KCNQ3: variants seen among roughly 807,000 people sequenced by gnomAD.
KCNQ3 encodes potassium voltage-gated channel subfamily KQT member 3.
A neutral mutation model predicts 92.5 loss-of-function variants in KCNQ3; 30 were observed. The observed-to-expected ratio is 0.32, with a 90% CI of 0.24 to 0.44. The LOEUF is 0.44. Ranked by LOEUF, KCNQ3 falls within the 20% of genes least tolerant of loss-of-function variation. The pLI is 1.00. For missense variants in KCNQ3, 913 were observed against 1,140.3 expected (o/e 0.80, Z 2.87); for synonymous variants, 450 against 468.8 (o/e 0.96, Z 0.52).
intron 1 of KCNQ3, among the ~76,000 whole-genome samples, chr8:132,461,541 G>A (rs1822062258): frequency 6.6e-6 from 1 of 152,104 alleles, no homozygotes; most frequent in Non-Finnish European, 1.5e-5. Context: ...CTCCAGCCTG[G>A]GCGACAAGAG....
chr8:132,328,736 T>C (rs1478225873), intron 1 of KCNQ3, among the ~76,000 whole-genome samples: 2 of 152,148 alleles, frequency 1.3e-5, no homozygotes, highest in Non-Finnish European at 2.9e-5. Context: ...TCCCCTCAAC[T>C]CGAGCACCTC....
intron 1 of KCNQ3, among the ~76,000 whole-genome samples, chr8:132,350,801 G>A (rs1818836880): frequency 6.6e-6 from 1 of 152,168 alleles, no homozygotes; most frequent in Non-Finnish European, 1.5e-5. Flanking sequence ...CTCACCCCAA[G>A]TGCCCATGCA....
intron 1 of KCNQ3, among the ~76,000 whole-genome samples, chr8:132,392,886 T>A (rs1166313063): frequency 1.3e-5 from 2 of 151,976 alleles, no homozygotes; most frequent in Non-Finnish European, 2.9e-5. Context: ...ACAGCACTTT[T>A]CATCTTATAT....
At chr8:132,465,691 C>G (rs903102835) in intron 1 of KCNQ3, among the ~76,000 whole-genome samples, 23 of 152,222 alleles carry the variant, frequency 1.5e-4, no homozygotes, top group African/African-American at 5.5e-4. Context: ...TTGCAGTGAG[C>G]CGAGATTGCA....
intron 1 of KCNQ3, among the ~76,000 whole-genome samples, chr8:132,383,875 G>C (rs180741895): frequency 1.2e-4 from 18 of 152,298 alleles, no homozygotes; most frequent in African/African-American, 3.8e-4. Context: ...ACTTTGGCAA[G>C]GCAGGTAACC....
Position 132,222,690 on chromosome 8 carries a change from A to G in KCNQ3, c.387-36509T>C, listed in dbSNP as rs117000824. ...CCAAGAACCAGATGTAGAGGAGCTT[A>G]AAATCAGAACTGAACATTCCAGTAT... On this transcript the variant is annotated intron_variant, in intron 1 of 14. Transcript: ENST00000388996. Among the ~76,000 whole-genome samples the G allele has an allele frequency of 4.1e-4, 63 of 152,348 alleles. No homozygotes were observed. In the East Asian group the frequency reaches 0.011, roughly 26 times the overall value.
intron 1 of KCNQ3, among the ~76,000 whole-genome samples, chr8:132,276,860 C>G (rs1238148098): frequency 6.6e-6 from 1 of 152,172 alleles, no homozygotes; most frequent in East Asian, 1.9e-4. Flanking sequence ...GGGATAATGC[C>G]AGTAATAATA....
intron 8 of KCNQ3, among the ~76,000 whole-genome samples, chr8:132,168,427 T>C (rs1826203146): frequency 6.6e-6 from 1 of 152,148 alleles, no homozygotes; most frequent in Admixed American, 6.5e-5. Context: ...GATTAACACA[T>C]ACAAGGGGAT....
chr8:132,175,659 G>A, intron 4 of KCNQ3, 51 bp from the exon 5 acceptor site: 3 of 1,578,038 alleles, frequency 1.9e-6, no homozygotes, highest in Non-Finnish European at 2.6e-6. Flanking sequence ...GAGTCGTTGA[G>A]TGGATGCTGG....
rs1210352319 is a variant in KCNQ3 at position 132,165,555 on chromosome 8, T to A, written c.1236-2061A>T. Among the ~76,000 whole-genome samples, 5 of 152,166 alleles carry A rather than the reference T, an allele frequency of 3.3e-5. No individual in the cohort carries two copies. In the East Asian group the frequency reaches 9.6e-4, roughly 29 times the overall value. Reference sequence around the variant, plus strand: ...CAATCAGCCGAGACTGAACACTTGCTATGGGCTAGGGACTAAGACAACCAC... The same window carrying A: ...CAATCAGCCGAGACTGAACACTTGCAATGGGCTAGGGACTAAGACAACCAC... On this transcript the variant is annotated intron_variant, in intron 8 of 14. Transcript: ENST00000388996.
intron 1 of KCNQ3, among the ~76,000 whole-genome samples, chr8:132,422,844 T>G (rs1056525340): frequency 1.3e-5 from 2 of 152,066 alleles, no homozygotes; most frequent in African/African-American, 4.8e-5. Flanking sequence ...ATCCTCAGGA[T>G]AGACAGTGGA....
In KCNQ3 at chr8:132,184,240, C is replaced by G; in HGVS notation, c.604+1G>C. ...CTGGGAGGCTCAGGGTCAGGACTTA[C>G]CCAACATGCACAGGGGCTTCCTGGC... is the stretch of plus-strand genomic sequence containing the variant. On this transcript the variant is annotated splice_donor_variant, in intron 3 of 14. Transcript: ENST00000388996. LOFTEE classifies it high-confidence loss of function. 6.2e-7 allele frequency: 1 copy of G among 1,614,160 alleles called. No homozygotes were observed. Among genetic ancestry groups the G allele is most frequent in the Non-Finnish European group, 8.5e-7 (1 of 1,180,028 alleles).
At chr8:132,239,403 G>T (rs1814916694) in intron 1 of KCNQ3, among the ~76,000 whole-genome samples, 1 of 152,166 alleles carries the variant, frequency 6.6e-6, no homozygotes, top group Non-Finnish European at 1.5e-5. Flanking sequence ...TACCACTAAG[G>T]TTACTGCTTG....
At chr8:132,258,760 G>A (rs1815676871) in intron 1 of KCNQ3, among the ~76,000 whole-genome samples, 2 of 151,990 alleles carry the variant, frequency 1.3e-5, no homozygotes, top group African/African-American at 4.8e-5. Flanking sequence ...CCCTTAGCTA[G>A]AGTGACAAGG....
intron 1 of KCNQ3, among the ~76,000 whole-genome samples, chr8:132,236,445 A>T (rs1398819290): frequency 6.6e-6 from 1 of 152,182 alleles, no homozygotes; most frequent in Non-Finnish European, 1.5e-5. Context: ...AGTGTTGACA[A>T]TGAAAAGACA....
intron 1 of KCNQ3, among the ~76,000 whole-genome samples, chr8:132,332,138 C>G (rs552207195): frequency 8.5e-5 from 13 of 152,312 alleles, no homozygotes; most frequent in African/African-American, 2.9e-4. Flanking sequence ...CATGCTCTCT[C>G]TCACTCTTGC....
At chr8:132,412,234 G>A (rs1209758948) in intron 1 of KCNQ3, among the ~76,000 whole-genome samples, 1 of 152,142 alleles carries the variant, frequency 6.6e-6, no homozygotes, top group Non-Finnish European at 1.5e-5. Context: ...AATCACCAAG[G>A]GCAGTGATTA....
chr8:132,394,256 A>G (rs748226383), intron 1 of KCNQ3, among the ~76,000 whole-genome samples: 11 of 152,162 alleles, frequency 7.2e-5, no homozygotes, highest in Non-Finnish European at 1.2e-4. Context: ...GGGAGTTCTG[A>G]GGAGAGAGCA....
rs554833870 is a variant in KCNQ3, at chr8:132,129,923, T to C, written c.1958A>G (p.Gln653Arg). Residue 653 changes from glutamine (Q) to arginine (R), a missense_variant, in exon 15 of 15, where the codon CAG becomes CGG. Coordinates refer to ENST00000388996, the MANE Select transcript of KCNQ3 (RefSeq NM_004519.4). The surrounding 1 kb of genome is among the most constrained non-coding windows in gnomAD (Gnocchi z 5.9). ...HMQHMERLQV[Q>R]VTEYYPTKGT... ...CTTGGTTGGGTAATACTCCGTGACC[T>C]GCACCTGCAACCGTTCCATGTGTTG... 5.4e-4 allele frequency: 870 copies of C among 1,614,222 alleles called. 11 individuals carry two copies. In the South Asian group the frequency reaches 8.2e-3, roughly 15 times the overall value.
Sources: allele counts gnomAD v4.1 joint callset (sites outside exome capture counted in the v4.1 genomes callset), GRCh38; gene constraint gnomAD v4.1.1; non-coding constraint Gnocchi (gnomAD v3.1); transcripts MANE v1.5; gene names NCBI Gene and HGNC (gene_info 2026-07-23, HGNC 2026-07-21).